The following UNC5D variants were observed in gnomAD, a reference collection of about 807,000 sequenced individuals.
The protein encoded by UNC5D is unc-5 netrin receptor D.
A neutral mutation model predicts 105.4 loss-of-function variants in UNC5D; 39 were observed. The observed-to-expected ratio is 0.37, with a 90% confidence interval of 0.29 to 0.48. The LOEUF (loss-of-function observed/expected upper bound fraction) is 0.48. Ranked by LOEUF, UNC5D falls within the 20% of genes least tolerant of loss-of-function variation. The pLI is 0.98. For synonymous variants in UNC5D, 452 were observed against 450.4 expected (o/e 1.00, Z -0.04); for missense variants, 991 against 1,202.4 (o/e 0.82, Z 2.60).
At chr8:35,384,382 C>G (rs558683978) in intron 1 of UNC5D, among the ~76,000 whole-genome samples, 29 of 152,254 alleles carry the variant, frequency 1.9e-4, no homozygotes, top group African/African-American at 7.0e-4. Context: ...TATGGGTGCA[C>G]TCACATGTAT....
At chr8:35,562,163 C>T (rs1234248623) in intron 2 of UNC5D, among the ~76,000 whole-genome samples, 1 of 152,134 alleles carries the variant, frequency 6.6e-6, no homozygotes, top group African/African-American at 2.4e-5. Context: ...TAACATATGA[C>T]CTCCAGTTTC....
At chr8:35,257,128 C>A (rs570639812) in intron 1 of UNC5D, among the ~76,000 whole-genome samples, 1 of 151,878 alleles carries the variant, frequency 6.6e-6, no homozygotes, top group South Asian at 2.1e-4. Flanking sequence ...CGCACCACCA[C>A]GCCCAGCTAA....
chr8:35,773,348 G>C (rs557488075), intron 15 of UNC5D, among the ~76,000 whole-genome samples: 16 of 152,120 alleles, frequency 1.1e-4, no homozygotes, highest in Non-Finnish European at 2.2e-4. Context: ...CACTATACAG[G>C]CTGGTCTATA....
At chr8:35,296,659 G>T (rs1279012105) in intron 1 of UNC5D, among the ~76,000 whole-genome samples, 2 of 152,196 alleles carry the variant, frequency 1.3e-5, no homozygotes, top group Non-Finnish European at 2.9e-5. Context: ...GACCTCAAGT[G>T]GTCCACCTGC....
intron 1 of UNC5D, among the ~76,000 whole-genome samples, chr8:35,324,622 C>T (rs991412669): frequency 5.3e-5 from 8 of 152,004 alleles, no homozygotes; most frequent in African/African-American, 1.9e-4. Flanking sequence ...TTGGTGTTTG[C>T]GGTTCCTGAA....
chr8:35,329,944 A>G (rs1159488095), intron 1 of UNC5D, among the ~76,000 whole-genome samples: 1 of 152,196 alleles, frequency 6.6e-6, no homozygotes, highest in Non-Finnish European at 1.5e-5. Context: ...GATAAATCCC[A>G]GGCACCCTGC....
intron 8 of UNC5D, among the ~76,000 whole-genome samples, chr8:35,710,091 G>A (rs1247224638): frequency 6.6e-6 from 1 of 152,176 alleles, no homozygotes; most frequent in African/African-American, 2.4e-5. Flanking sequence ...TATGTTGAGT[G>A]TAAACCTATA....
At chr8:35,640,940 C>T (rs1358296839) in intron 4 of UNC5D, among the ~76,000 whole-genome samples, 1 of 152,046 alleles carries the variant, frequency 6.6e-6, no homozygotes, top group Admixed American at 6.6e-5. Context: ...CTCTCTCTCT[C>T]TTTCTAATAG....
chr8:35,722,886 G>A lies in UNC5D; in HGVS notation c.1303+491G>A, dbSNP rs114562374. Among the ~76,000 whole-genome samples the A allele has an allele frequency of 6.0e-3, 913 of 152,116 alleles. 10 individuals are homozygous for A. The highest frequency in any genetic ancestry group is 0.021 in the African/African-American group (881 of 41,492). On this transcript the variant is annotated intron_variant, in intron 9 of 16. Coordinates refer to ENST00000404895, the MANE Select transcript of UNC5D (RefSeq NM_080872.4). ...AATAGATGATGGGTCAGCTAGCCAG[G>A]GGAAAAAAAATGAAATTCCAGCCGA...
chr8:35,409,036 C>A (rs1804986236), intron 1 of UNC5D, among the ~76,000 whole-genome samples: 1 of 152,066 alleles, frequency 6.6e-6, no homozygotes, highest in African/African-American at 2.4e-5. Flanking sequence ...CAGTATATAT[C>A]CTTTTAAGTC....
intron 1 of UNC5D, among the ~76,000 whole-genome samples, chr8:35,473,594 C>G (rs934239861): frequency 1.3e-5 from 2 of 152,178 alleles, no homozygotes; most frequent in Admixed American, 6.5e-5. Flanking sequence ...TGAAGCACAT[C>G]TAATCATTCA....
chr8:35,255,349 C>A (rs185851908), intron 1 of UNC5D: 1 of 152,120 alleles, frequency 6.6e-6, no homozygotes, highest in East Asian at 1.9e-4. Flanking sequence ...CATAGTGACT[C>A]AAGGCCACCA....
At position 35,666,229 on chromosome 8, in the gene UNC5D, G is replaced by A. The variant is rs13257225; in HGVS notation, c.571-17318G>A. On this transcript the variant is annotated intron_variant, in intron 4 of 16. Transcript: ENST00000404895. Reference sequence around the variant, plus strand: ...TGGAAATGTGGATTTTTAAAGGCACGTAAATTGCTAAATATTTTATCCATA... The same window carrying A: ...TGGAAATGTGGATTTTTAAAGGCACATAAATTGCTAAATATTTTATCCATA... Among the ~76,000 whole-genome samples the A allele has an allele frequency of 8.5e-3, 1,289 of 151,972 alleles. 7 individuals carry two copies. The highest frequency in any genetic ancestry group is 0.014 in the Non-Finnish European group (949 of 67,972).
At position 35,474,752 on chromosome 8, in the gene UNC5D, T is replaced by C. The variant is rs115498859; in HGVS notation, c.104-74540T>C. Among the ~76,000 whole-genome samples the C allele has an allele frequency of 4.1e-3, 632 of 152,294 alleles. 8 individuals are homozygous for C. The highest frequency in any genetic ancestry group is 0.014 in the African/African-American group (594 of 41,562). ...TATGTGAGCAGGAAATAACCTCTCA[T>C]TGCATGAGGCCATTGAGATTTCATT... On this transcript the variant is annotated intron_variant, in intron 1 of 16. Transcript: ENST00000404895.
intron 1 of UNC5D, among the ~76,000 whole-genome samples, chr8:35,261,604 A>G (rs1237517693): frequency 7.7e-6 from 1 of 130,334 alleles, no homozygotes; most frequent in Non-Finnish European, 1.6e-5. Flanking sequence ...GGGAAATACA[A>G]CCTGGCTTTG....
rs150574814 is a variant in UNC5D, at chr8:35,636,216, C to T, written c.570+40559C>T. ...TCATAGAGCAAGGAAAGAAAGCAAA[C>T]GGGGTCGAATGATGGGTTTTGTACC... is the stretch of plus-strand genomic sequence containing the variant. On this transcript the variant is annotated intron_variant, in intron 4 of 16. Coordinates refer to ENST00000404895, the MANE Select transcript of UNC5D (RefSeq NM_080872.4). Among the ~76,000 whole-genome samples, 196 of 152,186 alleles carry T rather than the reference C, an allele frequency of 1.3e-3. 1 individual carries two copies. Among genetic ancestry groups the T allele is most frequent in the African/African-American group, 4.5e-3 (187 of 41,520 alleles).
chr8:35,759,284 C>T (rs1830651877), intron 13 of UNC5D, 36 bp from the exon 14 acceptor site: 2 of 1,607,602 alleles, frequency 1.2e-6, no homozygotes, highest in African/African-American at 1.3e-5. Context: ...CAGGATATTT[C>T]ATTATTGATC....
chr8:35,485,232 A>C (rs1056735487), intron 1 of UNC5D, among the ~76,000 whole-genome samples: 1 of 152,162 alleles, frequency 6.6e-6, no homozygotes, highest in Admixed American at 6.5e-5. Context: ...ATTTGGCCTC[A>C]AGTTCATTCT....
intron 1 of UNC5D, among the ~76,000 whole-genome samples, chr8:35,504,265 G>T (rs901412888): frequency 1.3e-4 from 20 of 152,284 alleles, no homozygotes; most frequent in Non-Finnish European, 1.6e-4. Flanking sequence ...TAGGCAAGCT[G>T]TTTGGGCTCT....
Sources: allele counts gnomAD v4.1 joint callset (sites outside exome capture counted in the v4.1 genomes callset), GRCh38; gene constraint gnomAD v4.1.1; transcripts MANE v1.5; gene names NCBI Gene and HGNC (gene_info 2026-07-23, HGNC 2026-07-21).